PTPRB: variants seen among roughly 807,000 people sequenced by gnomAD.
The protein encoded by PTPRB is receptor-type tyrosine-protein phosphatase beta.
In PTPRB, 97 loss-of-function variants were observed where a neutral mutation model predicts 238.1. The ratio of observed to expected loss-of-function variants is 0.41; its 90% CI spans 0.35 to 0.48. The LOEUF is 0.48. PTPRB is among the 20% of genes least tolerant of loss of function. The pLI is 0.30. For missense variants in PTPRB, 2,292 were observed against 2,681.9 expected (o/e 0.85, Z 3.21); for synonymous variants, 970 against 995.4 (o/e 0.97, Z 0.48).
At chr12:70,605,423 TC>T (rs1883866735) in intron 4 of PTPRB, among the ~76,000 whole-genome samples, 1 of 152,222 alleles carries the variant, frequency 6.6e-6, no homozygotes, top group African/African-American at 2.4e-5. Context: ...CATCCATCTA[TC>T]CATCCATTTA....
Position 70,539,676 on chromosome 12 carries a change from A to C in PTPRB, c.5727T>G (p.His1909Gln). 6.3e-7 allele frequency: 1 copy of C among 1,592,030 alleles called. No homozygotes were observed. The highest frequency in any genetic ancestry group is 8.6e-7 in the Non-Finnish European group (1 of 1,166,868). ...CPIKINQFEG[H>Q]FMKLQADSNY... ...TGGAGTCAGCCTGTAGCTTCATGAA[A>C]TGCCCTTCAAACTGATTTATTTTTA... The change falls in exon 26 of 34, where the codon CAT becomes CAG. Residue 1909 changes from histidine to glutamine, a missense_variant. Coordinates refer to ENST00000334414, the MANE Select transcript of PTPRB (RefSeq NM_001109754.4).
At chr12:70,545,147 G>A (rs1368641788) in intron 21 of PTPRB, among the ~76,000 whole-genome samples, 2 of 152,202 alleles carry the variant, frequency 1.3e-5, no homozygotes, top group Non-Finnish European at 2.9e-5. Flanking sequence ...TGAATATAGA[G>A]TATGGATGAT....
intron 4 of PTPRB, among the ~76,000 whole-genome samples, chr12:70,608,075 C>T (rs1884114983): frequency 6.6e-6 from 1 of 152,156 alleles, no homozygotes; most frequent in African/African-American, 2.4e-5. Flanking sequence ...AAAGTTCTCA[C>T]ACCTCTTTGA....
intron 32 of PTPRB, among the ~76,000 whole-genome samples, chr12:70,530,047 G>C (rs534008199): frequency 6.6e-6 from 1 of 152,264 alleles, no homozygotes; most frequent in South Asian, 2.1e-4. Context: ...GAAGAAATCA[G>C]CTGGCTTCTT....
chr12:70,549,311 C>T (rs577581316), intron 21 of PTPRB, among the ~76,000 whole-genome samples: 49 of 152,196 alleles, frequency 3.2e-4, no homozygotes, highest in Middle Eastern at 3.4e-3. Context: ...TTGAAGAAAA[C>T]GAGGTCAGGA....
At chr12:70,580,622 G>A (rs1592527405) in intron 10 of PTPRB, among the ~76,000 whole-genome samples, 1 of 152,124 alleles carries the variant, frequency 6.6e-6, no homozygotes, top group South Asian at 2.1e-4. Flanking sequence ...GAGTTCGAGA[G>A]CAGCCTGACC....
At position 70,560,452 on chromosome 12, in the gene PTPRB, A is replaced by G. The variant is rs1878345452; in HGVS notation, c.4432+219T>C. ...GAAAACTGAGGCCTAGAGATGCTCA[A>G]TGACTTGCCCAGATTCATAGAGCTA... is the stretch of plus-strand genomic sequence containing the variant. On this transcript the variant is annotated intron_variant, in intron 17 of 33. Transcript: ENST00000334414. The surrounding 1 kb of genome is among the most constrained non-coding windows in gnomAD (Gnocchi z 4.2). Among the ~76,000 whole-genome samples, 1 of 152,182 alleles carries G rather than the reference A, an allele frequency of 6.6e-6. No homozygotes were observed. The highest frequency in any genetic ancestry group is 1.5e-5 in the Non-Finnish European group (1 of 68,030).
intron 11 of PTPRB, among the ~76,000 whole-genome samples, chr12:70,576,007 C>G (rs901313531): frequency 5.9e-5 from 9 of 152,106 alleles, no homozygotes; most frequent in Non-Finnish European, 1.0e-4. Context: ...ACAAGGTAAA[C>G]AGTTGGGCGA....
chr12:70,544,757 C>A, intron 21 of PTPRB, 94 bp from the exon 22 acceptor site: 1 of 694,500 alleles, frequency 1.4e-6, no homozygotes, highest in South Asian at 2.0e-5. Flanking sequence ...GGTTCCTGGT[C>A]AGTGGGTAGC....
chr12:70,605,375 A>C (rs762695690), intron 4 of PTPRB, among the ~76,000 whole-genome samples: 48 of 152,268 alleles, frequency 3.2e-4, no homozygotes, highest in Middle Eastern at 3.4e-3. Flanking sequence ...TCTACTCATC[A>C]TCCGTGCCCA....
At chr12:70,568,781 G>A (rs1288019990) in intron 14 of PTPRB, among the ~76,000 whole-genome samples, 2 of 152,208 alleles carry the variant, frequency 1.3e-5, no homozygotes, top group East Asian at 1.9e-4. Context: ...GAGAGGGCAC[G>A]AGGTTTGGGG....
intron 23 of PTPRB, 68 bp downstream of exon 23, chr12:70,540,790 C>A: frequency 8.6e-7 from 1 of 1,163,454 alleles, no homozygotes; most frequent in Non-Finnish European, 1.2e-6. Context: ...AGTTTTCAGC[C>A]TAAAGGGAAT....
intron 21 of PTPRB, among the ~76,000 whole-genome samples, chr12:70,548,464 C>A (rs368295894): frequency 2.6e-5 from 4 of 152,164 alleles, no homozygotes; most frequent in South Asian, 4.2e-4. Context: ...CACTCTTACT[C>A]CATTGCTGGC....
At chr12:70,621,631 C>T (rs527519610) in intron 3 of PTPRB, among the ~76,000 whole-genome samples, 4 of 152,306 alleles carry the variant, frequency 2.6e-5, no homozygotes, top group African/African-American at 9.6e-5. Context: ...CTGCACAATG[C>T]AAAAGATACC....
rs772060126 is a variant in PTPRB, at chr12:70,532,096, A to G, written c.6443T>C (p.Val2148Ala). The G allele has an allele frequency of 1.2e-6, 2 of 1,614,014 alleles. No individual in the cohort carries two copies. The highest frequency in any genetic ancestry group is 1.7e-6 in the Non-Finnish European group (2 of 1,179,884). The change falls in exon 32 of 34, where the codon GTG becomes GCG. Residue 2148 changes from valine (V) to alanine (A), a missense_variant. Val to Ala is a moderately conservative substitution (Grantham distance 64). Around this residue, in one of 4 missense-constraint regions of PTPRB, gnomAD observed 397 missense variants for 502.0 expected, o/e 0.79. Coordinates refer to ENST00000334414, the MANE Select transcript of PTPRB (RefSeq NM_001109754.4). ...ILQQLDSKDS[V>A]DIYGAVHDLR... Reference sequence around the variant, plus strand: ...GTCGTGCACTGCTCCATAAATGTCCACAGAGTCTTTGGAGTCTAACTGCTG... The same window carrying G: ...GTCGTGCACTGCTCCATAAATGTCCGCAGAGTCTTTGGAGTCTAACTGCTG...
At chr12:70,626,401 G>GCCTA (rs1167962348) in intron 2 of PTPRB, among the ~76,000 whole-genome samples, 35 of 145,926 alleles carry the variant, frequency 2.4e-4, no homozygotes, top group East Asian at 1.2e-3. Flanking sequence ...CTGCCTGCCT[G>GCCTA]CCTACCTACC....
At chr12:70,573,197 T>A (rs1014892153) in intron 11 of PTPRB, among the ~76,000 whole-genome samples, 1 of 152,196 alleles carries the variant, frequency 6.6e-6, no homozygotes, top group Non-Finnish European at 1.5e-5. Flanking sequence ...AATACCTTTT[T>A]AAATAATGTT....
intron 2 of PTPRB, among the ~76,000 whole-genome samples, chr12:70,627,032 T>A (rs992124127): frequency 6.6e-6 from 1 of 151,890 alleles, no homozygotes; most frequent in Non-Finnish European, 1.5e-5. Context: ...GCACAGGGAA[T>A]AAATTAGACT....
In PTPRB at chr12:70,562,907, T is replaced by C; in HGVS notation, c.4105A>G (p.Lys1369Glu). The change falls in exon 16 of 34, where the codon AAG becomes GAG. Residue 1369 changes from lysine (K) to glutamate (E), a missense_variant. Physicochemically the swap from Lys to Glu is moderately conservative, Grantham distance 56. Coordinates refer to ENST00000334414, the MANE Select transcript of PTPRB (RefSeq NM_001109754.4). Reference sequence around the variant, plus strand: ...CCACTGTGAGTTACAATCACCATCTTGTACATTCTGCCTTGTAGCAAGTTC... The same window carrying C: ...CCACTGTGAGTTACAATCACCATCTCGTACATTCTGCCTTGTAGCAAGTTC... Reference protein sequence around the residue: ...FQNLLQGRMYKMVIVTHSGEL... With the variant: ...FQNLLQGRMYEMVIVTHSGEL... 1.2e-6 allele frequency: 2 copies of C among 1,614,014 alleles called. No individual in the cohort carries two copies. The highest frequency in any genetic ancestry group is 2.2e-5 in the South Asian group (2 of 91,082).
Sources: gnomAD v4.1 joint callset for allele counts (sites outside exome capture counted in the v4.1 genomes callset) on GRCh38, gnomAD v4.1.1 for gene constraint, gnomAD v4.1.1 regional missense constraint, Gnocchi (gnomAD v3.1) non-coding constraint, MANE v1.5 for transcripts, NCBI Gene and HGNC (gene_info 2026-07-23, HGNC 2026-07-21) for gene names.